Variants in LRRC58 observed in about 807,000 individuals in gnomAD.
The protein encoded by LRRC58 is leucine-rich repeat-containing protein 58.
Under a neutral mutation model 30.6 loss-of-function variants are expected in LRRC58, and 18 were observed. That is an observed-to-expected ratio of 0.59 (90% CI 0.41 to 0.87). The LOEUF (loss-of-function observed/expected upper bound fraction) is 0.87, where lower values mean the gene tolerates loss of function less well. Ranked by LOEUF, LRRC58 falls within the 40% of genes least tolerant of loss-of-function variation. The probability of loss-of-function intolerance (pLI) is 0.00; values close to 1 mark genes in which losing one functional copy is unlikely to be tolerated. For missense variants in LRRC58, 420 were observed against 468.4 expected, an observed-to-expected ratio of 0.90 and a Z score of 0.95; for synonymous variants, 221 against 206.0, an observed-to-expected ratio of 1.07 and a Z score of -0.62.
chr3:120,329,753 T>C lies in LRRC58; in HGVS notation c.*1447A>G, dbSNP rs185318645. On this transcript the variant is annotated 3_prime_UTR_variant, in exon 4 of 4. Transcript: ENST00000295628. ...TGTTCTAATGCCTATCTGATCTGTA[T>C]AACATTTCTTACTGTAGGTTTAACA... The C allele has an allele frequency of 6.6e-6, 1 of 152,146 alleles. No homozygotes were observed. Among genetic ancestry groups the C allele is most frequent in the Admixed American group, 6.5e-5 (1 of 15,302 alleles). The allele number at this position is 152,146 out of a possible 1,614,324, so 9.4% of individuals were successfully genotyped here. A position where few individuals can be genotyped will look rare whatever the true frequency, so the allele number is the denominator to read the frequency against.
Position 120,330,040 on chromosome 3 carries a change from G to C in LRRC58, c.*1160C>G, listed in dbSNP as rs1012217313. 1.3e-5 allele frequency: 2 copies of C among 152,008 alleles called. No homozygotes were observed. The highest frequency in any genetic ancestry group is 2.4e-5 in the African/African-American group (1 of 41,518). 9.4% of individuals were successfully genotyped at this position (152,008 alleles called of 1,614,324 possible). ...CATAGTTAAAGTAGTTCTGGAAACT[G>C]TTCCATTAGGTATAAGGACAATGAC... On this transcript the variant is annotated 3_prime_UTR_variant, in exon 4 of 4. Coordinates refer to ENST00000295628, the MANE Select transcript of LRRC58 (RefSeq NM_001099678.2).
In LRRC58 at chr3:120,328,242, C is replaced by T. The variant is rs1187314907; in HGVS notation, c.*2958G>A. 6.6e-6 allele frequency: 1 copy of T among 152,182 alleles called. No individual in the cohort carries two copies. Among genetic ancestry groups the T allele is most frequent in the Admixed American group, 6.5e-5 (1 of 15,286 alleles). 9.4% of individuals were successfully genotyped at this position (152,182 alleles called of 1,614,324 possible). On this transcript the variant is annotated 3_prime_UTR_variant, in exon 4 of 4. Coordinates refer to ENST00000295628, the MANE Select transcript of LRRC58 (RefSeq NM_001099678.2). ...CCTTAATGTCAGCCAATCCCTGGCA[C>T]CCTGGAATCAATGTATCATATTCAC...
At chr3:120,339,924 C>T (rs1935883642) in intron 1 of LRRC58, among the ~76,000 whole-genome samples, 2 of 152,054 alleles carry the variant, frequency 1.3e-5, no homozygotes, top group Admixed American at 6.6e-5. Flanking sequence ...AGTGCAGTGG[C>T]ACGATCTCGG....
intron 1 of LRRC58, among the ~76,000 whole-genome samples, chr3:120,340,853 C>T (rs1437992020): frequency 1.3e-5 from 2 of 152,188 alleles, no homozygotes; most frequent in Non-Finnish European, 2.9e-5. Flanking sequence ...GCAGAGGTGG[C>T]ACCACTGCAC....
Position 120,331,197 on chromosome 3 carries a change from T to G in LRRC58, c.*3A>C. 1 of 1,613,714 alleles carries G rather than the reference T, an allele frequency of 6.2e-7. No individual in the cohort carries two copies. The highest frequency in any genetic ancestry group is 8.5e-7 in the Non-Finnish European group (1 of 1,179,596). ...AGTATTTCACAACACTGTGCACTCCTGTTCAACCAAGAAGAACTTTCTGCA... is the reference window on the plus strand; with the variant it reads ...AGTATTTCACAACACTGTGCACTCCGGTTCAACCAAGAAGAACTTTCTGCA... On this transcript the variant is annotated 3_prime_UTR_variant, in exon 4 of 4. Transcript: ENST00000295628.
rs1448425314 is a variant in LRRC58, at chr3:120,331,111, T to C, written c.*89A>G. 9.0e-7 allele frequency: 1 copy of C among 1,106,642 alleles called. No homozygotes were observed. The highest frequency in any genetic ancestry group is 1.4e-6 in the Non-Finnish European group (1 of 738,524). The allele number at this position is 1,106,642 out of a possible 1,614,324, so 68.6% of individuals were successfully genotyped here. On this transcript the variant is annotated 3_prime_UTR_variant, in exon 4 of 4. Transcript: ENST00000295628. Reference sequence around the variant, plus strand: ...CTTTGATGAACACTTAAGATGAAGATAAGATTTCTAGTGAACTTCAAGCTC... The same window carrying C: ...CTTTGATGAACACTTAAGATGAAGACAAGATTTCTAGTGAACTTCAAGCTC...
At chr3:120,337,436 T>G (rs1224584501) in intron 1 of LRRC58, among the ~76,000 whole-genome samples, 1 of 152,232 alleles carries the variant, frequency 6.6e-6, no homozygotes, top group Non-Finnish European at 1.5e-5. Context: ...AATTACCTGT[T>G]CGTATCATTT....
At position 120,348,916 on chromosome 3, in the gene LRRC58, G is replaced by T. The variant is rs764085716; in HGVS notation, c.328C>A (p.Pro110Thr). The change falls in exon 1 of 4, where the codon CCC becomes ACC. Residue 110 changes from proline (P) to threonine (T), a missense_variant. By Grantham distance (38) the Pro-to-Thr change is conservative (BLOSUM62 -1). Transcript: ENST00000295628. The stretch of plus-strand genomic sequence containing the variant: ...AGCGGCGACTGGGCCAGGCCCTTGG[G>T]CAGCGCACTGGGCCCGCCGAGCCGG... ...NNRLGGPSAL[P>T]KGLAQSPLCR... is the part of the protein sequence containing the mutation. 77 of 1,557,156 alleles carry T rather than the reference G, an allele frequency of 4.9e-5. No individual in the cohort carries two copies. The highest frequency in any genetic ancestry group is 6.6e-5 in the Non-Finnish European group (76 of 1,152,782).
chr3:120,334,509 A>AAAAT (rs141062687), intron 3 of LRRC58, among the ~76,000 whole-genome samples: 2,835 of 150,968 alleles, frequency 0.019, 38 homozygotes, highest in Middle Eastern at 0.041. Flanking sequence ...CTCTGTCTCA[A>AAAAT]AAATAAATAA....
chr3:120,339,408 AT>A (rs529797902), intron 1 of LRRC58, among the ~76,000 whole-genome samples: 4 of 151,868 alleles, frequency 2.6e-5, no homozygotes, highest in East Asian at 1.9e-4. Context: ...CAATTTTATC[AT>A]TTTTTTTGGA....
Position 120,326,816 on chromosome 3 carries a change from A to T in LRRC58, c.*4384T>A, listed in dbSNP as rs1935681497. 1 of 152,246 alleles carries T rather than the reference A, an allele frequency of 6.6e-6. No individual in the cohort carries two copies. The allele number at this position is 152,246 out of a possible 1,614,324, so 9.4% of individuals were successfully genotyped here. A position where few individuals can be genotyped will look rare whatever the true frequency, so the allele number is the denominator to read the frequency against. ...TCTACCAAGGGTCTTATGAAAATTT[A>T]GGAATAATAACCATTAACTTTTTTT... is the stretch of plus-strand genomic sequence containing the variant. On this transcript the variant is annotated 3_prime_UTR_variant, in exon 4 of 4. Coordinates refer to ENST00000295628, the MANE Select transcript of LRRC58 (RefSeq NM_001099678.2).
At chr3:120,343,999 G>C (rs528258048) in intron 1 of LRRC58, among the ~76,000 whole-genome samples, 1 of 151,962 alleles carries the variant, frequency 6.6e-6, no homozygotes, top group African/African-American at 2.4e-5. Context: ...AGATCGTGCC[G>C]CTGCACTCCA....
At chr3:120,339,501 G>C (rs1935877174) in intron 1 of LRRC58, among the ~76,000 whole-genome samples, 2 of 152,080 alleles carry the variant, frequency 1.3e-5, no homozygotes, top group Non-Finnish European at 2.9e-5. Context: ...GTTAATCTTT[G>C]AGTCCTTTGT....
intron 3 of LRRC58, among the ~76,000 whole-genome samples, chr3:120,334,456 C>T (rs1242694057): frequency 1.3e-5 from 2 of 152,010 alleles, no homozygotes; most frequent in South Asian, 2.1e-4. Context: ...TGCAATGAGC[C>T]GAGATCGCGC....
rs775617059 is a variant in LRRC58, at chr3:120,349,285, G to T, written c.-42C>A. The T allele has an allele frequency of 1.5e-6, 2 of 1,349,688 alleles. No individual in the cohort carries two copies. The highest frequency in any genetic ancestry group is 8.2e-5 in the Admixed American group (2 of 24,314). 83.6% of individuals were successfully genotyped at this position (1,349,688 alleles called of 1,614,324 possible). On this transcript the variant is annotated 5_prime_UTR_variant, in exon 1 of 4. Transcript: ENST00000295628. The stretch of plus-strand genomic sequence containing the variant: ...CGCGTGGCGCCGGATTCCCCAGAGC[G>T]CCGCGCGCGGTCCAGAGGCCGGGAG...
rs144541068 is a variant in LRRC58 at position 120,335,550 on chromosome 3, T to C, written c.629+275A>G. ...TGTTTCATATCAAATATAAAATCAC[T>C]AAAAGTCTCATAAAACCTAGGGAAA... On this transcript the variant is annotated intron_variant, in intron 2 of 3. Coordinates refer to ENST00000295628, the MANE Select transcript of LRRC58 (RefSeq NM_001099678.2). 9.8e-3 allele frequency among the ~76,000 whole-genome samples: 1,488 copies of C among 152,300 alleles called. 16 individuals are homozygous for C. The highest frequency in any genetic ancestry group is 0.037 in the South Asian group (179 of 4,824).
chr3:120,343,423 A>G (rs559567116), intron 1 of LRRC58, among the ~76,000 whole-genome samples: 1 of 152,342 alleles, frequency 6.6e-6, no homozygotes, highest in South Asian at 2.1e-4. Flanking sequence ...TCTTGTGGTT[A>G]TCAACATTGC....
chr3:120,330,038 C>G lies in LRRC58; in HGVS notation c.*1162G>C, dbSNP rs1935732967. 1 of 151,970 alleles carries G rather than the reference C, an allele frequency of 6.6e-6. No individual in the cohort carries two copies. The highest frequency in any genetic ancestry group is 2.4e-5 in the African/African-American group (1 of 41,420). 9.4% of individuals were successfully genotyped at this position (151,970 alleles called of 1,614,324 possible). ...TCCATAGTTAAAGTAGTTCTGGAAA[C>G]TGTTCCATTAGGTATAAGGACAATG... is the stretch of plus-strand genomic sequence containing the variant. On this transcript the variant is annotated 3_prime_UTR_variant, in exon 4 of 4. Transcript: ENST00000295628.
intron 2 of LRRC58, 115 bp from the exon 3 acceptor site, chr3:120,335,254 T>A (rs1935819167): frequency 2.3e-6 from 2 of 863,422 alleles, no homozygotes; most frequent in African/African-American, 1.7e-5. Flanking sequence ...CAATTAAGAT[T>A]AAGGTCAATT....
Sources: allele counts gnomAD v4.1 joint callset (sites outside exome capture counted in the v4.1 genomes callset), GRCh38; gene constraint gnomAD v4.1.1; transcripts MANE v1.5; gene names NCBI Gene and HGNC (gene_info 2026-07-23, HGNC 2026-07-21).